Variants in ABHD18 observed in about 807,000 individuals in gnomAD.
ABHD18 encodes the protein cardiolipin-specific deacylase, mitochondrial.
In ABHD18, 55 loss-of-function variants were observed where a neutral mutation model predicts 65.9. That is an observed-to-expected ratio of 0.84 (90% CI 0.67 to 1.05). The LOEUF is 1.05. ABHD18 is among the 50% of genes least tolerant of loss of function. The pLI, the probability that ABHD18 is intolerant of heterozygous loss-of-function variation, is 0.00. For missense variants in ABHD18, 533 were observed against 558.5 expected, an observed-to-expected ratio of 0.95 and a Z score of 0.46; for synonymous variants, 181 against 180.2, an observed-to-expected ratio of 1.00 and a Z score of -0.04.
chr4:127,965,622 G>A lies in ABHD18; in HGVS notation c.-18+16G>A, dbSNP rs927694663. 1.1e-4 allele frequency: 25 copies of A among 228,418 alleles called. No individual in the cohort carries two copies. The highest frequency in any genetic ancestry group is 2.0e-4 in the Non-Finnish European group (22 of 111,232). 14.1% of individuals were successfully genotyped at this position (228,418 alleles called of 1,614,324 possible). On this transcript the variant is annotated intron_variant, in intron 1 of 12. Coordinates refer to ENST00000645843, the MANE Select transcript of ABHD18 (RefSeq NM_001358451.3). ...CTGGCGGCCAGTAAGTAGCCGGTCC[G>A]GTTAAGTAGTAGGTGCGCTAAGAGC...
chr4:127,993,955 T>C (rs17012849), intron 4 of ABHD18, among the ~76,000 whole-genome samples: 5,871 of 152,250 alleles, frequency 0.039, 377 homozygotes, highest in African/African-American at 0.13. Context: ...AGTAGGAAAA[T>C]TTTAAGGCTA....
At chr4:128,030,704 C>T in intron 12 of ABHD18, 32 bp downstream of exon 12, 1 of 1,516,210 alleles carries the variant, frequency 6.6e-7, no homozygotes, top group South Asian at 1.3e-5. Context: ...TGTATTCGTT[C>T]ATTTGTTGTT....
At chr4:127,966,332 T>C (rs1366624470) in intron 1 of ABHD18, among the ~76,000 whole-genome samples, 1 of 152,136 alleles carries the variant, frequency 6.6e-6, no homozygotes, top group East Asian at 1.9e-4. Context: ...ACATTGCTAG[T>C]TTACTGAAAA....
rs546327744 is a variant in ABHD18 at position 127,983,252 on chromosome 4, T to TA, written c.92+210dup. On this transcript the variant is annotated intron_variant, in intron 2 of 12. Coordinates refer to ENST00000645843, the MANE Select transcript of ABHD18 (RefSeq NM_001358451.3). ...GCCCATATCATAAATGATACTGTTG[T>TA]AAAAATAATTCAGATTTTTTAAATA... is the stretch of plus-strand genomic sequence containing the variant. 1.2e-4 allele frequency among the ~76,000 whole-genome samples: 18 copies of TA among 152,350 alleles called. No homozygotes were observed. The South Asian group carries it at 3.7e-3, about 32-fold the overall frequency.
intron 4 of ABHD18, chr4:128,001,627 TA>T (rs1328665472): frequency 1.5e-6 from 2 of 1,343,730 alleles, no homozygotes; most frequent in Non-Finnish European, 2.0e-6. Context: ...CATACTTAGT[TA>T]ACCCCTTGCC....
At chr4:128,025,019 A>G (rs1185570799) in intron 10 of ABHD18, among the ~76,000 whole-genome samples, 1 of 152,028 alleles carries the variant, frequency 6.6e-6, no homozygotes, top group Non-Finnish European at 1.5e-5. Flanking sequence ...TAACTTAAAA[A>G]AAAAATGTAT....
rs556859743 is a variant in ABHD18 at position 127,979,983 on chromosome 4, T to C, written c.-17-2956T>C. ...GTGATGAAGAGAAGTTTCTCCACTT[T>C]ATAAAATTTTTATATTGTCTTAATT... On this transcript the variant is annotated intron_variant, in intron 1 of 12. Coordinates refer to ENST00000645843, the MANE Select transcript of ABHD18 (RefSeq NM_001358451.3). Among the ~76,000 whole-genome samples the C allele has an allele frequency of 8.5e-5, 13 of 152,162 alleles. No individual in the cohort carries two copies. In the East Asian group the frequency reaches 2.3e-3, roughly 27 times the overall value.
chr4:127,986,543 G>A (rs1005754280), intron 3 of ABHD18, among the ~76,000 whole-genome samples: 7 of 152,132 alleles, frequency 4.6e-5, no homozygotes, highest in African/African-American at 1.7e-4. Context: ...ATGAGATTTT[G>A]TGTGAACATG....
intron 3 of ABHD18, 119 bp downstream of exon 3, chr4:127,984,542 T>C: frequency 1.9e-6 from 1 of 536,120 alleles, no homozygotes; most frequent in Middle Eastern, 4.2e-4. Context: ...GCCGTATGGA[T>C]TTTTCATTTC....
chr4:127,978,181 C>G (rs540101014), intron 1 of ABHD18, among the ~76,000 whole-genome samples: 1 of 152,034 alleles, frequency 6.6e-6, no homozygotes, highest in South Asian at 2.1e-4. Flanking sequence ...AGAACTTAAT[C>G]CAAGTTTATG....
At chr4:128,023,153 A>G (rs1426138614) in intron 10 of ABHD18, among the ~76,000 whole-genome samples, 5 of 152,114 alleles carry the variant, frequency 3.3e-5, no homozygotes, top group South Asian at 2.1e-4. Flanking sequence ...TCTTTCTACT[A>G]TGAATGAGAA....
chr4:128,005,509 G>C (rs1183006827), intron 4 of ABHD18, among the ~76,000 whole-genome samples: 1 of 152,080 alleles, frequency 6.6e-6, no homozygotes, highest in Non-Finnish European at 1.5e-5. Flanking sequence ...GTCACCTAGG[G>C]TGGAATACAG....
At chr4:127,969,107 A>C (rs992516120) in intron 1 of ABHD18, among the ~76,000 whole-genome samples, 28 of 152,136 alleles carry the variant, frequency 1.8e-4, no homozygotes, top group African/African-American at 6.5e-4. Flanking sequence ...TAAATATAGT[A>C]AGGAATATGC....
chr4:128,008,405 G>A (rs1182656784), intron 4 of ABHD18, among the ~76,000 whole-genome samples: 1 of 150,156 alleles, frequency 6.7e-6, no homozygotes, highest in Non-Finnish European at 1.5e-5. Context: ...CTGAGTAGCT[G>A]GAATTACGGG....
At chr4:128,015,654 G>C (rs1476171297) in intron 7 of ABHD18, among the ~76,000 whole-genome samples, 1 of 152,100 alleles carries the variant, frequency 6.6e-6, no homozygotes, top group Non-Finnish European at 1.5e-5. Context: ...GAGAGGACTT[G>C]GTAGGACAGT....
chr4:128,001,685 A>C (rs1752652183), intron 4 of ABHD18: 6 of 1,528,532 alleles, frequency 3.9e-6, no homozygotes, highest in Non-Finnish European at 5.3e-6. Context: ...AGAATTTAGA[A>C]GGTTTTGGTG....
intron 1 of ABHD18, among the ~76,000 whole-genome samples, chr4:127,974,386 G>A (rs1023544897): frequency 3.3e-5 from 5 of 150,956 alleles, no homozygotes; most frequent in Non-Finnish European, 7.4e-5. Context: ...TTATTTTTGT[G>A]TGTGATAAGG....
chr4:127,988,824 G>A (rs191984973), intron 3 of ABHD18, among the ~76,000 whole-genome samples: 5 of 152,324 alleles, frequency 3.3e-5, no homozygotes, highest in Non-Finnish European at 7.4e-5. Context: ...TACAGTGTTG[G>A]TGGGAATGTA....
At chr4:128,035,209 G>A (rs536955574) in intron 12 of ABHD18, among the ~76,000 whole-genome samples, 35 of 151,886 alleles carry the variant, frequency 2.3e-4, no homozygotes, top group African/African-American at 7.5e-4. Context: ...GTGTGCGTGC[G>A]TGTATGTATG....
Sources: allele counts gnomAD v4.1 joint callset (sites outside exome capture counted in the v4.1 genomes callset), GRCh38; gene constraint gnomAD v4.1.1; transcripts MANE v1.5; gene names NCBI Gene and HGNC (gene_info 2026-07-23, HGNC 2026-07-21).